The following NPHP3 variants were observed in gnomAD, a reference collection of about 807,000 sequenced individuals.
NPHP3 encodes nephrocystin-3.
In NPHP3, 123 loss-of-function variants were observed where a neutral mutation model predicts 171.9. The observed-to-expected ratio is 0.72, with a 90% confidence interval of 0.62 to 0.83. The LOEUF (loss-of-function observed/expected upper bound fraction) is 0.83, where lower values mean the gene tolerates loss of function less well. Among genes scored for constraint, NPHP3 ranks in the 40% least tolerant of loss-of-function variants. NPHP3 has a pLI of 0.00. For synonymous variants in NPHP3, 558 were observed against 579.2 expected, an observed-to-expected ratio of 0.96 and a Z score of 0.52; for missense variants, 1,506 against 1,591.9, an observed-to-expected ratio of 0.95 and a Z score of 0.92.
At chr3:132,695,028 A>G (rs1043432507) in intron 15 of NPHP3, 63 bp from the exon 16 acceptor site, 15 of 1,533,780 alleles carry the variant, frequency 9.8e-6, no homozygotes, top group Non-Finnish European at 1.4e-5. Flanking sequence ...AAATTTTGAG[A>G]TCGATTAAAA....
At chr3:132,721,910 G>A (rs779161723) in intron 1 of NPHP3, 53 bp downstream of exon 1, 56 of 1,596,998 alleles carry the variant, frequency 3.5e-5, no homozygotes, top group Admixed American at 1.9e-4. Context: ...GAGGGAGCAG[G>A]ACGGCCGTGC....
At chr3:132,721,643 T>G in intron 1 of NPHP3, 1 of 488,816 alleles carries the variant, frequency 2.0e-6, no homozygotes, top group Non-Finnish European at 3.8e-6. Flanking sequence ...AAACCAGAAA[T>G]AGAAAAGCGG....
chr3:132,713,252 G>A lies in NPHP3; in HGVS notation c.992C>T (p.Thr331Ile). 1 of 1,603,634 alleles carries A rather than the reference G, an allele frequency of 6.2e-7. No homozygotes were observed. Among genetic ancestry groups the A allele is most frequent in the Non-Finnish European group, 8.5e-7 (1 of 1,174,306 alleles). The change falls in exon 6 of 27, where the codon ACA (threonine) becomes ATA (isoleucine). Residue 331 changes from threonine (T) to isoleucine (I), a missense_variant. By Grantham distance (89) the Thr-to-Ile change is moderately conservative. Coordinates refer to ENST00000337331, the MANE Select transcript of NPHP3 (RefSeq NM_153240.5). ...YSPKLKRMCE[T>I]MGYFFHAVYF... ...AACAGCATGGAAAAAATATCCCATT[G>A]TCTCGCACATTCTCTTAAGTTTAGG...
chr3:132,713,336 C>G, intron 5 of NPHP3, 50 bp from the exon 6 acceptor site: 1 of 1,292,814 alleles, frequency 7.7e-7, no homozygotes, highest in South Asian at 1.3e-5. Flanking sequence ...AACTAAAGAT[C>G]AAGTGAGATT....
intron 10 of NPHP3, 140 bp downstream of exon 10, chr3:132,701,290 T>G: frequency 1.5e-6 from 1 of 651,134 alleles, no homozygotes; most frequent in Non-Finnish European, 2.8e-6. Context: ...TTTCAGGGCA[T>G]GAACCTATTG....
intron 1 of NPHP3, 93 bp downstream of exon 1, chr3:132,721,870 C>G: frequency 6.8e-7 from 1 of 1,474,818 alleles, no homozygotes; most frequent in African/African-American, 1.4e-5. Flanking sequence ...GGGCAGTTTC[C>G]GCCGAACTTT....
At chr3:132,691,449 CTG>C (rs1331206109) in intron 17 of NPHP3, among the ~76,000 whole-genome samples, 163 bp from the exon 18 acceptor site, 13 of 152,210 alleles carry the variant, frequency 8.5e-5, no homozygotes, top group Non-Finnish European at 1.2e-4. Context: ...ATTTGATAAA[CTG>C]TTACTAGAAT....
chr3:132,711,865 T>G (rs535773559), intron 6 of NPHP3, among the ~76,000 whole-genome samples: 4 of 152,244 alleles, frequency 2.6e-5, no homozygotes, highest in Non-Finnish European at 5.9e-5. Flanking sequence ...TGAAGGCTCA[T>G]TGACCAGGTA....
At chr3:132,694,728 C>A (rs1222881032) in intron 16 of NPHP3, 99 bp downstream of exon 16, 7 of 1,428,100 alleles carry the variant, frequency 4.9e-6, no homozygotes, top group Non-Finnish European at 6.8e-6. Context: ...ATGCCTGAAA[C>A]ATATTTAAGC....
At chr3:132,721,814 G>T (rs527443455) in intron 1 of NPHP3, 149 bp downstream of exon 1, 1 of 993,326 alleles carries the variant, frequency 1.0e-6, no homozygotes, top group East Asian at 2.6e-5. Context: ...GGAGGGTTAA[G>T]GAATCATTTC....
At chr3:132,688,557 T>A in intron 21 of NPHP3, 93 bp downstream of exon 21, 1 of 1,358,562 alleles carries the variant, frequency 7.4e-7, no homozygotes, top group Non-Finnish European at 1.0e-6. Context: ...TAAGGAAAAG[T>A]ACACAGTGAT....
intron 6 of NPHP3, among the ~76,000 whole-genome samples, chr3:132,708,564 G>C (rs1208659045): frequency 6.6e-6 from 1 of 152,060 alleles, no homozygotes; most frequent in Non-Finnish European, 1.5e-5. Context: ...TCTTAAACTT[G>C]GCTCAAAATA....
chr3:132,719,004 T>C lies in NPHP3; in HGVS notation c.660A>G (p.Thr220=). The change falls in exon 3 of 27, where the codon ACA becomes ACG. Residue 220 remains threonine (T), a synonymous_variant. Transcript: ENST00000337331. ...PGESDSDDNC[T]DVTAAGTQCE... The stretch of plus-strand genomic sequence containing the variant: ...AGGATATACACTTACCAGTGACATC[T>C]GTACAGTTGTCATCTGAATCAGACT... 3 of 1,614,176 alleles carry C rather than the reference T, an allele frequency of 1.9e-6. No individual in the cohort carries two copies. The highest frequency in any genetic ancestry group is 3.3e-4 in the Middle Eastern group (2 of 6,062).
In NPHP3 at chr3:132,722,218, G is replaced by A. The variant is rs1576691697; in HGVS notation, c.138C>T (p.Arg46=). The change falls in exon 1 of 27, where the codon CGC becomes CGT. Residue 46 remains arginine (R), a synonymous_variant. Coordinates refer to ENST00000337331, the MANE Select transcript of NPHP3 (RefSeq NM_153240.5). ...PKARLLRNSF[R]RGAGAAAGAG... ...CCCCTGCTGCCGCCCCCGCGCCTCG[G>A]CGGAACGAGTTGCGCAGCAGGCGGG... The A allele has an allele frequency of 6.5e-7, 1 of 1,538,508 alleles. No individual in the cohort carries two copies. The highest frequency in any genetic ancestry group is 8.7e-7 in the Non-Finnish European group (1 of 1,153,244).
At chr3:132,684,464 G>A in intron 24 of NPHP3, 90 bp downstream of exon 24, 1 of 1,354,996 alleles carries the variant, frequency 7.4e-7, no homozygotes, top group South Asian at 1.2e-5. Flanking sequence ...AAACTAACCT[G>A]TCCCTCATAA....
Position 132,713,159 on chromosome 3 carries a change from A to G in NPHP3, c.1085T>C (p.Leu362Ser), listed in dbSNP as rs1939959592. ...TGTTAAGTGAATAAATAAAATAACTAAAGAACTTTTCTCAATTTCCCATTT... is the reference window on the plus strand; with the variant it reads ...TGTTAAGTGAATAAATAAAATAACTGAAGAACTTTTCTCAATTTCCCATTT... ...VRKWEIEKSS[L>S]VILFIHLTLP... The change falls in exon 6 of 27, where the codon TTA becomes TCA. Residue 362 changes from leucine (L) to serine (S), a missense_variant. Physicochemically the swap from Leu to Ser is moderately radical, Grantham distance 145. Coordinates refer to ENST00000337331, the MANE Select transcript of NPHP3 (RefSeq NM_153240.5). The G allele has an allele frequency of 1.3e-6, 2 of 1,499,212 alleles. No individual in the cohort carries two copies. Among genetic ancestry groups the G allele is most frequent in the Admixed American group, 1.9e-5 (1 of 53,970 alleles). The allele number at this position is 1,499,212 out of a possible 1,614,324, so 92.9% of individuals were successfully genotyped here. A position where few individuals can be genotyped will look rare whatever the true frequency, so the allele number is the denominator to read the frequency against.
rs756596834 is a variant in NPHP3, at chr3:132,682,093, T to G, written c.3813-3A>C. The G allele has an allele frequency of 2.5e-6, 4 of 1,613,324 alleles. No individual in the cohort carries two copies. The East Asian group carries it at 8.9e-5, about 36-fold the overall frequency. On this transcript the variant is annotated splice_polypyrimidine_tract_variant and splice_region_variant and intron_variant, in intron 26 of 26. Transcript: ENST00000337331. Reference sequence around the variant, plus strand: ...TTTCAAAATCTCCTCCTTCATAGCTTTGAGAGAGAAAACAAAAACTCTTAA... The same window carrying G: ...TTTCAAAATCTCCTCCTTCATAGCTGTGAGAGAGAAAACAAAAACTCTTAA...
chr3:132,720,468 G>A (rs1339587932), intron 1 of NPHP3, among the ~76,000 whole-genome samples: 3 of 152,090 alleles, frequency 2.0e-5, no homozygotes, highest in East Asian at 1.9e-4. Flanking sequence ...TCCAACGTGC[G>A]GTGTCTGTTG....
intron 7 of NPHP3, among the ~76,000 whole-genome samples, chr3:132,706,437 G>A (rs1576677421): frequency 6.7e-6 from 1 of 148,860 alleles, no homozygotes; most frequent in Admixed American, 6.7e-5. Context: ...TTTCTCTTAT[G>A]TATTTCCATA....
Sources: allele counts gnomAD v4.1 joint callset (sites outside exome capture counted in the v4.1 genomes callset), GRCh38; gene constraint gnomAD v4.1.1; transcripts MANE v1.5; gene names NCBI Gene and HGNC (gene_info 2026-07-23, HGNC 2026-07-21).